LACTBL1: variants seen among roughly 807,000 people sequenced by gnomAD.
The protein encoded by LACTBL1 is beta-lactamase-like protein 1.
A neutral mutation model predicts 39.6 loss-of-function variants in LACTBL1; 29 were observed. The ratio of observed to expected loss-of-function variants is 0.73; its 90% CI spans 0.55 to 1.00. The LOEUF (loss-of-function observed/expected upper bound fraction) is 1.00. LACTBL1 is among the 50% of genes least tolerant of loss of function. The pLI, the probability that LACTBL1 is intolerant of heterozygous loss-of-function variation, is 0.00. For missense variants in LACTBL1, 711 were observed against 748.5 expected, an observed-to-expected ratio of 0.95 and a Z score of 0.59; for synonymous variants, 361 against 360.7, an observed-to-expected ratio of 1.00 and a Z score of -0.01.
chr1:22,964,165 G>A (rs1458175898), intron 1 of LACTBL1, among the ~76,000 whole-genome samples: 1 of 152,100 alleles, frequency 6.6e-6, no homozygotes, highest in African/African-American at 2.4e-5. Context: ...TTGAACTCCT[G>A]ACCTCAGGTG....
intron 1 of LACTBL1, among the ~76,000 whole-genome samples, chr1:22,964,090 C>T (rs1233279293): frequency 6.6e-6 from 1 of 152,150 alleles, no homozygotes; most frequent in African/African-American, 2.4e-5. Flanking sequence ...GCGTCCACCA[C>T]CACGCCCGGC....
chr1:22,953,482 G>T, exon 6 of LACTBL1: 11 of 1,230,398 alleles, frequency 8.9e-6, no homozygotes, highest in Admixed American at 4.3e-5. Flanking sequence ...CTCATCGTAG[G>T]CCCGCGCCAC....
exon 6 of LACTBL1, chr1:22,953,477 C>A: frequency 7.3e-6 from 9 of 1,230,282 alleles, no homozygotes; most frequent in Non-Finnish European, 9.1e-6. Context: ...AGGAGCTCAT[C>A]GTAGGCCCGC....
At chr1:22,956,238 G>A (rs1322077071) in intron 4 of LACTBL1, among the ~76,000 whole-genome samples, 3 of 152,010 alleles carry the variant, frequency 2.0e-5, no homozygotes, top group Non-Finnish European at 4.4e-5. Flanking sequence ...TGGACTCAGT[G>A]GCACGTGCCT....
At chr1:22,970,323 G>A (rs890911653), upstream of LACTBL1, among the ~76,000 whole-genome samples, 4 of 152,216 alleles carry the variant, frequency 2.6e-5, no homozygotes, top group African/African-American at 9.6e-5. Context: ...GAACCTCAAA[G>A]CATGATGCTA....
Position 22,955,315 on chromosome 1 carries a change from C to T in LACTBL1, c.659+6G>A. The T allele has an allele frequency of 6.5e-7, 1 of 1,549,582 alleles. No individual in the cohort carries two copies. The highest frequency in any genetic ancestry group is 1.2e-5 in the South Asian group (1 of 84,042). The stretch of plus-strand genomic sequence containing the variant: ...ATGAGGCTGGGCATCAGGGTATGCT[C>T]CTCACCTGGTTCCCGGGTCCACTAC... On this transcript the variant is annotated splice_donor_region_variant and intron_variant, in intron 5 of 5. Transcript: ENST00000426928.
chr1:22,958,548 A>G, intron 4 of LACTBL1, 137 bp downstream of exon 6: 1 of 680,358 alleles, frequency 1.5e-6, no homozygotes, highest in South Asian at 2.0e-5. Flanking sequence ...CCCACCACCC[A>G]CATCCCATGA....
chr1:22,969,179 C>T (rs193120656), upstream of LACTBL1, among the ~76,000 whole-genome samples: 1 of 152,204 alleles, frequency 6.6e-6, no homozygotes, highest in East Asian at 1.9e-4. Flanking sequence ...GTATATGGTG[C>T]GTGTGTGTGC....
exon 6 of LACTBL1, chr1:22,953,447 G>A (rs910774935): frequency 8.1e-7 from 1 of 1,227,490 alleles, no homozygotes; most frequent in Non-Finnish European, 1.0e-6. Context: ...GCCTCCCGGA[G>A]GGCGCGCTCC....
chr1:22,967,943 G>A (rs183928869), upstream of LACTBL1, among the ~76,000 whole-genome samples: 34 of 152,220 alleles, frequency 2.2e-4, no homozygotes, highest in Admixed American at 7.2e-4. Flanking sequence ...CATCCTAGGT[G>A]GAGTTGAAGT....
chr1:22,963,121 C>T, exon 2 of LACTBL1: 1 of 1,287,372 alleles, frequency 7.8e-7, no homozygotes, highest in Non-Finnish European at 9.9e-7. Context: ...TCCAGGGCCT[C>T]CTTCAACACG....
chr1:22,953,497 T>G, exon 6 of LACTBL1: 1 of 1,231,998 alleles, frequency 8.1e-7, no homozygotes, highest in Non-Finnish European at 1.0e-6. Flanking sequence ...CGCCACCAGG[T>G]CGGGCCCGGG....
At chr1:22,953,766 G>T (rs2124221358) in exon 6 of LACTBL1, 2 of 1,477,064 alleles carry the variant, frequency 1.4e-6, no homozygotes, top group Non-Finnish European at 1.8e-6. Flanking sequence ...CGGCCAGCTT[G>T]GCCAGGTCGG....
chr1:22,961,059 TGTGA>T (rs1640817907), intron 2 of LACTBL1, among the ~76,000 whole-genome samples: 1 of 152,000 alleles, frequency 6.6e-6, no homozygotes, highest in Non-Finnish European at 1.5e-5. Flanking sequence ...TGATTACAGG[TGTGA>T]GCCGCCTCAC....
At chr1:22,956,041 G>A (rs1336558775) in intron 4 of LACTBL1, among the ~76,000 whole-genome samples, 1 of 145,184 alleles carries the variant, frequency 6.9e-6, no homozygotes, top group Non-Finnish European at 1.5e-5. Flanking sequence ...TCCAGCCTGG[G>A]TGACAGAGTG....
At chr1:22,969,436 T>C (rs309531), upstream of LACTBL1, among the ~76,000 whole-genome samples, 3,429 of 152,290 alleles carry the variant, frequency 0.023, 159 homozygotes, top group African/African-American at 0.078. Context: ...AGGAGAGTCT[T>C]GCTGAGTTTA....
upstream of LACTBL1, among the ~76,000 whole-genome samples, chr1:22,967,639 A>G (rs1640896281): frequency 6.6e-6 from 1 of 152,050 alleles, no homozygotes. Context: ...CCATACATAT[A>G]TATATAGAGA....
At chr1:22,961,255 GA>G (rs1430218828) in intron 2 of LACTBL1, among the ~76,000 whole-genome samples, 5 of 152,218 alleles carry the variant, frequency 3.3e-5, no homozygotes, top group Non-Finnish European at 1.5e-5. Flanking sequence ...TTACAGATGA[GA>G]AATGAGAGCC....
At chr1:22,961,938 G>A (rs1189960068) in intron 2 of LACTBL1, among the ~76,000 whole-genome samples, 1 of 151,986 alleles carries the variant, frequency 6.6e-6, no homozygotes, top group Non-Finnish European at 1.5e-5. Flanking sequence ...AGTAGAGACA[G>A]GCTTTCACCA....
Sources: gnomAD v4.1 joint callset for allele counts (sites outside exome capture counted in the v4.1 genomes callset) on GRCh38, gnomAD v4.1.1 for gene constraint, MANE v1.5 for transcripts, NCBI Gene and HGNC (gene_info 2026-07-23, HGNC 2026-07-21) for gene names.